Variants in MOSPD2 observed in about 807,000 individuals in gnomAD.
MOSPD2 encodes the protein motile sperm domain containing 2, also known as motile sperm domain-containing protein 2.
Under a neutral mutation model 41.7 loss-of-function variants are expected in MOSPD2, and 5 were observed. The observed-to-expected ratio is 0.12, with a 90% CI of 0.06 to 0.25. The LOEUF is 0.25. MOSPD2 is among the 10% of genes least tolerant of loss of function. The probability of loss-of-function intolerance (pLI) is 1.00; values close to 1 mark genes in which losing one functional copy is unlikely to be tolerated. For missense variants in MOSPD2, 282 were observed against 375.2 expected (o/e 0.75, Z 2.05); for synonymous variants, 115 against 126.9 (o/e 0.91, Z 0.63).
chrX:14,919,922 G>A lies in MOSPD2; in HGVS notation c.*113G>A. ...CATTGCACATCTGTGCTTCCTAAAAGGAAATATGCAGCACGTGGAGGGGAA... is the reference window on the plus strand; with the variant it reads ...CATTGCACATCTGTGCTTCCTAAAAAGAAATATGCAGCACGTGGAGGGGAA... On this transcript the variant is annotated 3_prime_UTR_variant, in exon 15 of 15. Transcript: ENST00000380492. The A allele has an allele frequency of 9.1e-7, 1 of 1,094,924 alleles. No individual in the cohort carries two copies. Among genetic ancestry groups the A allele is most frequent in the East Asian group, 3.2e-5 (1 of 31,263 alleles). 90.2% of individuals were successfully genotyped at this position (1,094,924 alleles called of 1,213,427 possible).
At chrX:14,915,566 AT>A (rs1169095845) in intron 11 of MOSPD2, 101 bp from the exon 12 acceptor site, 48 of 402,713 alleles carry the variant, frequency 1.2e-4, no homozygotes, top group African/African-American at 1.9e-4. Flanking sequence ...AATAAAAAAA[AT>A]AAAAATAAAA....
At chrX:14,880,388 T>A (rs1205046923) in intron 2 of MOSPD2, among the ~76,000 whole-genome samples, 1 of 111,779 alleles carries the variant, frequency 8.9e-6, no homozygotes, top group Non-Finnish European at 1.9e-5. Context: ...ATAATTTACC[T>A]GGGATTTTTT....
At chrX:14,913,968 C>T (rs922157849) in intron 10 of MOSPD2, among the ~76,000 whole-genome samples, 1 of 111,600 alleles carries the variant, frequency 9.0e-6, no homozygotes, top group African/African-American at 3.2e-5. Flanking sequence ...CAGCTCCCAT[C>T]CCAAACTTAC....
In MOSPD2 at chrX:14,887,901, C is replaced by T. The variant is rs777949727; in HGVS notation, c.80-4822C>T. 4.5e-5 allele frequency among the ~76,000 whole-genome samples: 5 copies of T among 110,305 alleles called. No individual in the cohort carries two copies. In the South Asian group the frequency reaches 1.9e-3, roughly 43 times the overall value. On this transcript the variant is annotated intron_variant, in intron 2 of 14. Coordinates refer to ENST00000380492, the MANE Select transcript of MOSPD2 (RefSeq NM_152581.4). ...AGTTCTTTCTCTCCCAAATAATGGA[C>T]TTTACAATTTGTTTGGTGGTAATAC...
intron 2 of MOSPD2, among the ~76,000 whole-genome samples, chrX:14,886,734 G>C (rs934417024): frequency 9.0e-6 from 1 of 111,705 alleles, no homozygotes; most frequent in Admixed American, 9.5e-5. Context: ...GTAGGAACTG[G>C]TTACAAATAC....
At position 14,900,613 on chromosome X, in the gene MOSPD2, G is replaced by C. The variant is rs1281625900; in HGVS notation, c.516G>C (p.Lys172Asn). Residue 172 changes from lysine (K) to asparagine (N), a missense_variant, in exon 6 of 15, where the codon AAG (lysine) becomes AAC (asparagine). Coordinates refer to ENST00000380492, the MANE Select transcript of MOSPD2 (RefSeq NM_152581.4). ...TACGCTTTATCATCAACTGCTTTAAGGTTTATTACCCTAAATACCTCTGTA... is the reference window on the plus strand; with the variant it reads ...TACGCTTTATCATCAACTGCTTTAACGTTTATTACCCTAAATACCTCTGTA... ...DFVRFIINCF[K>N]VYYPKYLSKI... 5.4e-6 allele frequency: 6 copies of C among 1,119,040 alleles called. No individual in the cohort carries two copies. The highest frequency in any genetic ancestry group is 3.6e-6 in the Non-Finnish European group (3 of 827,751). The allele number at this position is 1,119,040 out of a possible 1,213,427, so 92.2% of individuals were successfully genotyped here. A position where few individuals can be genotyped will look rare whatever the true frequency, so the allele number is the denominator to read the frequency against.
chrX:14,881,358 A>T (rs1308791510), intron 2 of MOSPD2, among the ~76,000 whole-genome samples: 2 of 111,628 alleles, frequency 1.8e-5, no homozygotes, highest in Non-Finnish European at 3.8e-5. Flanking sequence ...TAACAAAAAA[A>T]GGAGAATTTC....
intron 3 of MOSPD2, 110 bp from the exon 4 acceptor site, chrX:14,895,198 T>C (rs2092560901): frequency 6.1e-6 from 3 of 492,868 alleles, no homozygotes; most frequent in African/African-American, 4.9e-5. Flanking sequence ...TTTGGGTACA[T>C]TATATCATTT....
At chrX:14,883,556 A>G (rs1355708395) in intron 2 of MOSPD2, among the ~76,000 whole-genome samples, 1 of 112,153 alleles carries the variant, frequency 8.9e-6, no homozygotes, top group Non-Finnish European at 1.9e-5. Flanking sequence ...ATATATGTGT[A>G]GAATTTTCTT....
rs2092610728 is a variant in MOSPD2 at position 14,922,084 on chromosome X, G to A, written c.*2275G>A. 9.0e-6 allele frequency: 1 copy of A among 110,649 alleles called. No individual in the cohort carries two copies. The highest frequency in any genetic ancestry group is 1.9e-5 in the Non-Finnish European group (1 of 52,932). The allele number at this position is 110,649 out of a possible 1,213,427, so 9.1% of individuals were successfully genotyped here. ...ACTACCATAACTGTTTTTATATATT[G>A]CCACTAATTTTGACTGGATTTAATA... On this transcript the variant is annotated 3_prime_UTR_variant, in exon 15 of 15. Coordinates refer to ENST00000380492, the MANE Select transcript of MOSPD2 (RefSeq NM_152581.4).
intron 2 of MOSPD2, among the ~76,000 whole-genome samples, chrX:14,882,021 G>T (rs1243253488): frequency 1.8e-5 from 2 of 109,975 alleles, no homozygotes; most frequent in African/African-American, 6.6e-5. Flanking sequence ...ATGGGGTGGG[G>T]GAAGGGGGGA....
chrX:14,903,843 T>G (rs768095517), intron 7 of MOSPD2, among the ~76,000 whole-genome samples: 24 of 111,751 alleles, frequency 2.1e-4, no homozygotes, highest in Non-Finnish European at 3.8e-4. Context: ...ACTATTGACC[T>G]TAAAGAAATA....
intron 4 of MOSPD2, among the ~76,000 whole-genome samples, chrX:14,896,722 T>A (rs1032768545): frequency 8.9e-6 from 1 of 112,783 alleles, no homozygotes; most frequent in Admixed American, 9.4e-5. Context: ...TGTGTCAGTA[T>A]CTTTCCTCTG....
intron 6 of MOSPD2, among the ~76,000 whole-genome samples, 158 bp downstream of exon 6, chrX:14,900,793 A>C (rs1195386668): frequency 1.8e-5 from 2 of 111,890 alleles, no homozygotes; most frequent in Non-Finnish European, 3.8e-5. Flanking sequence ...TGTAACACAT[A>C]CAGAGGAAAG....
At chrX:14,909,075 A>G in intron 8 of MOSPD2, 91 bp downstream of exon 8, 1 of 742,944 alleles carries the variant, frequency 1.3e-6, no homozygotes, top group Non-Finnish European at 1.8e-6. Flanking sequence ...AAGTAGTACC[A>G]TAATATGCAA....
At chrX:14,903,518 C>A (rs918962270) in intron 7 of MOSPD2, among the ~76,000 whole-genome samples, 1 of 111,570 alleles carries the variant, frequency 9.0e-6, no homozygotes, top group African/African-American at 3.3e-5. Context: ...CTGAAACTCA[C>A]CCCAAATCAC....
chrX:14,904,591 G>C (rs187900511), intron 7 of MOSPD2, among the ~76,000 whole-genome samples: 181 of 111,667 alleles, frequency 1.6e-3, no homozygotes, highest in African/African-American at 5.8e-3. Context: ...GAAGGACTCT[G>C]AGAACTCACT....
chrX:14,898,510 C>T (rs960009401), intron 5 of MOSPD2, among the ~76,000 whole-genome samples: 1 of 111,316 alleles, frequency 9.0e-6, no homozygotes, highest in Admixed American at 9.6e-5. Flanking sequence ...TTCAAGGATC[C>T]GATGCCCTGG....
chrX:14,893,189 C>G (rs113026345), intron 3 of MOSPD2: 55 of 147,164 alleles, frequency 3.7e-4, no homozygotes, highest in African/African-American at 1.7e-3. Flanking sequence ...GCTACTAGGC[C>G]TAGAAATAAG....
Sources: allele counts gnomAD v4.1 joint callset (sites outside exome capture counted in the v4.1 genomes callset), GRCh38; gene constraint gnomAD v4.1.1; transcripts MANE v1.5; gene names NCBI Gene and HGNC (gene_info 2026-07-23, HGNC 2026-07-21).